SCARB1: variants seen among roughly 807,000 people sequenced by gnomAD.
SCARB1 encodes CD36 and LIMPII analogous 1.
Under a neutral mutation model 57.2 loss-of-function variants are expected in SCARB1, and 30 were observed. That is an observed-to-expected ratio of 0.52 (90% CI 0.39 to 0.71). SCARB1 has a LOEUF of 0.71. Among genes scored for constraint, SCARB1 ranks in the 30% least tolerant of loss-of-function variants. The pLI is 0.00. For missense variants in SCARB1, 543 were observed against 671.2 expected (o/e 0.81, Z 2.11); for synonymous variants, 249 against 268.3 (o/e 0.93, Z 0.70).
rs374272658 is a variant in SCARB1, at chr12:124,844,741, G to A, written c.126+18854C>T. Among the ~76,000 whole-genome samples the A allele has an allele frequency of 1.1e-4, 17 of 152,244 alleles. 1 individual carries two copies. In the South Asian group the frequency reaches 2.7e-3, roughly 24 times the overall value. On this transcript the variant is annotated intron_variant, in intron 1 of 12. Coordinates refer to ENST00000261693, the MANE Select transcript of SCARB1 (RefSeq NM_005505.5). ...GCCAACATCCTGATCTCAGACTTCC[G>A]GCCTCCAGAACTGTACGGGAATACA...
chr12:124,816,744 C>G (rs568121445), intron 2 of SCARB1, among the ~76,000 whole-genome samples: 57 of 152,148 alleles, frequency 3.7e-4, no homozygotes, highest in Non-Finnish European at 4.7e-4. Context: ...ATCCGCCAGC[C>G]GTCTCAGAGC....
At chr12:124,838,616 T>G (rs1951785594) in intron 1 of SCARB1, among the ~76,000 whole-genome samples, 1 of 152,066 alleles carries the variant, frequency 6.6e-6, no homozygotes, top group Admixed American at 6.6e-5. Flanking sequence ...TGTTGGAATT[T>G]GACCCTGGCC....
chr12:124,846,973 T>A (rs1213511208), intron 1 of SCARB1, among the ~76,000 whole-genome samples: 1 of 152,006 alleles, frequency 6.6e-6, no homozygotes, highest in Admixed American at 6.6e-5. Flanking sequence ...AATCCCGGTG[T>A]TTAGGGATGG....
At chr12:124,840,895 G>T (rs569632032) in intron 1 of SCARB1, among the ~76,000 whole-genome samples, 1 of 152,198 alleles carries the variant, frequency 6.6e-6, no homozygotes, top group Non-Finnish European at 1.5e-5. Flanking sequence ...CAGGCTGGGC[G>T]TGGTGGCTCA....
intron 1 of SCARB1, chr12:124,862,441 A>G (rs982215054): frequency 2.0e-5 from 3 of 152,240 alleles, no homozygotes; most frequent in African/African-American, 7.2e-5. Context: ...CTGGGTCCCA[A>G]GAAGTGTGGC....
At chr12:124,832,498 C>T (rs969489460) in intron 1 of SCARB1, among the ~76,000 whole-genome samples, 12 of 147,684 alleles carry the variant, frequency 8.1e-5, no homozygotes, top group South Asian at 4.3e-4. Context: ...CCAGCCTGGG[C>T]GACAGAGTGA....
At chr12:124,860,808 C>T (rs149932820) in intron 1 of SCARB1, among the ~76,000 whole-genome samples, 2 of 152,284 alleles carry the variant, frequency 1.3e-5, no homozygotes, top group East Asian at 3.9e-4. Flanking sequence ...CAAAGGAATA[C>T]CAGCAGTGAT....
intron 7 of SCARB1, among the ~76,000 whole-genome samples, chr12:124,802,771 C>T (rs904383473): frequency 6.6e-5 from 10 of 152,196 alleles, no homozygotes; most frequent in African/African-American, 2.4e-4. Context: ...TTAGTTGGCT[C>T]TGTGAGGCAA....
intron 9 of SCARB1, among the ~76,000 whole-genome samples, chr12:124,790,904 G>A (rs1048376138): frequency 4.6e-5 from 7 of 152,226 alleles, no homozygotes; most frequent in African/African-American, 1.4e-4. Flanking sequence ...GCCTGGATTC[G>A]GGAGGCCTCC....
intron 1 of SCARB1, among the ~76,000 whole-genome samples, chr12:124,832,132 T>C (rs972738154): frequency 6.6e-6 from 1 of 152,226 alleles, no homozygotes; most frequent in African/African-American, 2.4e-5. Flanking sequence ...TAGCAACAAA[T>C]GTATCCCATT....
chr12:124,793,642 G>A (rs931330484), intron 9 of SCARB1, among the ~76,000 whole-genome samples: 23 of 145,630 alleles, frequency 1.6e-4, no homozygotes, highest in Non-Finnish European at 3.1e-4. Context: ...GCAGTGAGCC[G>A]AGATCGCGCC....
chr12:124,854,214 G>A (rs1227694736), intron 1 of SCARB1, among the ~76,000 whole-genome samples: 3 of 152,240 alleles, frequency 2.0e-5, no homozygotes, highest in African/African-American at 4.8e-5. Flanking sequence ...GAGGGTCTCC[G>A]TGAGCAAGTG....
At position 124,834,620 on chromosome 12, in the gene SCARB1, G is replaced by T. The variant is rs1422759923; in HGVS notation, c.127-16913C>A. Among the ~76,000 whole-genome samples the T allele has an allele frequency of 3.3e-5, 5 of 152,158 alleles. No individual in the cohort carries two copies. The East Asian group carries it at 9.6e-4, about 29-fold the overall frequency. ...TTCGGGCAGTGGTTCTTGAAGTGTGGTCCCTGGCTGAGCGTGGTGGCTCAC... is the reference window on the plus strand; with the variant it reads ...TTCGGGCAGTGGTTCTTGAAGTGTGTTCCCTGGCTGAGCGTGGTGGCTCAC... On this transcript the variant is annotated intron_variant, in intron 1 of 12. Transcript: ENST00000261693.
In SCARB1 at chr12:124,823,560, A is replaced by T. The variant is rs183868181; in HGVS notation, c.127-5853T>A. On this transcript the variant is annotated intron_variant, in intron 1 of 12. Transcript: ENST00000261693. Reference sequence around the variant, plus strand: ...GTAACGTGGAACAGCCACTGTGGAAACCAGTCTGACCGTTCCTCAAACGAT... The same window carrying T: ...GTAACGTGGAACAGCCACTGTGGAATCCAGTCTGACCGTTCCTCAAACGAT... Among the ~76,000 whole-genome samples the T allele has an allele frequency of 7.9e-5, 12 of 152,334 alleles. No individual in the cohort carries two copies. The East Asian group carries it at 2.3e-3, about 29-fold the overall frequency.
At chr12:124,845,475 C>T (rs1158167311) in intron 1 of SCARB1, among the ~76,000 whole-genome samples, 50 of 145,506 alleles carry the variant, frequency 3.4e-4, no homozygotes, top group Non-Finnish European at 5.2e-4. Flanking sequence ...GGTGTTTGAC[C>T]TGAGGTCAGG....
Position 124,786,359 on chromosome 12 carries a change from G to A in SCARB1, c.1399C>T (p.Gln467Ter). 1 of 1,613,866 alleles carries A rather than the reference G, an allele frequency of 6.2e-7. No individual in the cohort carries two copies. Among genetic ancestry groups the A allele is most frequent in the Non-Finnish European group, 8.5e-7 (1 of 1,180,034 alleles). ...GCTGCCCTCTGGCCAGCACCTACTT[G>A]GCTCCGGATTTGGCAGATGACAGGG... is the stretch of plus-strand genomic sequence containing the variant. ...LVPVICQIRS[Q>*]EKCYLFWSSS... is the part of the protein sequence containing the mutation. Residue 467 changes from glutamine to a stop codon, truncating the protein, a stop_gained and splice_region_variant, in exon 11 of 13, where the codon CAA becomes TAA. Coordinates refer to ENST00000261693, the MANE Select transcript of SCARB1 (RefSeq NM_005505.5). LOFTEE classifies it high-confidence loss of function.
At chr12:124,844,122 C>T (rs559898462) in intron 1 of SCARB1, among the ~76,000 whole-genome samples, 45 of 152,248 alleles carry the variant, frequency 3.0e-4, no homozygotes, top group African/African-American at 1.1e-3. Context: ...AGGAGTCAGA[C>T]ATAACCAAGG....
chr12:124,821,643 A>T, intron 1 of SCARB1: 1 of 632,894 alleles, frequency 1.6e-6, no homozygotes, highest in Non-Finnish European at 2.0e-6. Flanking sequence ...CAGTTTCCTC[A>T]ACCATACAAT....
At chr12:124,802,931 G>A (rs945764716) in intron 7 of SCARB1, among the ~76,000 whole-genome samples, 1 of 152,166 alleles carries the variant, frequency 6.6e-6, no homozygotes, top group Admixed American at 6.5e-5. Context: ...CAAACGACAC[G>A]TGTGCACCAC....
Sources: gnomAD v4.1 joint callset for allele counts (sites outside exome capture counted in the v4.1 genomes callset) on GRCh38, gnomAD v4.1.1 for gene constraint, MANE v1.5 for transcripts, NCBI Gene and HGNC (gene_info 2026-07-23, HGNC 2026-07-21) for gene names.